The following CAMK2D variants were observed in gnomAD, a reference collection of about 807,000 sequenced individuals.
CAMK2D encodes calcium/calmodulin dependent protein kinase II delta.
Under a neutral mutation model 84.0 loss-of-function variants are expected in CAMK2D, and 37 were observed. That is an observed-to-expected ratio of 0.44 (90% CI 0.34 to 0.58). The LOEUF is 0.58. Ranked by LOEUF, CAMK2D falls within the 20% of genes least tolerant of loss-of-function variation. CAMK2D has a pLI of 0.02. For synonymous variants in CAMK2D, 202 were observed against 212.5 expected (o/e 0.95, Z 0.43); for missense variants, 448 against 652.5 (o/e 0.69, Z 3.41).
intron 4 of CAMK2D, among the ~76,000 whole-genome samples, chr4:113,566,348 T>C (rs2098723799): frequency 1.3e-5 from 2 of 152,188 alleles, no homozygotes; most frequent in Non-Finnish European, 1.5e-5. Flanking sequence ...AAACATAAGT[T>C]TTCTCCTCTA....
chr4:113,671,945 G>A (rs1039496917), intron 2 of CAMK2D, among the ~76,000 whole-genome samples: 4 of 152,052 alleles, frequency 2.6e-5, no homozygotes, highest in African/African-American at 7.2e-5. Flanking sequence ...TCACTTTTGA[G>A]TTTAATTTTT....
chr4:113,651,656 T>C (rs1164165601), intron 3 of CAMK2D, among the ~76,000 whole-genome samples: 1 of 152,168 alleles, frequency 6.6e-6, no homozygotes, highest in African/African-American at 2.4e-5. Context: ...TTTTCTACAA[T>C]GTAAAGCAGA....
chr4:113,551,733 G>A (rs976583202), intron 5 of CAMK2D, among the ~76,000 whole-genome samples: 3 of 152,126 alleles, frequency 2.0e-5, no homozygotes, highest in African/African-American at 7.2e-5. Flanking sequence ...AGGGATTAGA[G>A]GATTTCAATC....
At chr4:113,744,854 A>T (rs1182761248) in intron 2 of CAMK2D, among the ~76,000 whole-genome samples, 1 of 152,168 alleles carries the variant, frequency 6.6e-6, no homozygotes, top group Non-Finnish European at 1.5e-5. Flanking sequence ...GACCACACCC[A>T]ATTTTCAAAG....
At position 113,520,892 on chromosome 4, in the gene CAMK2D, G is replaced by C. The variant is rs937722232; in HGVS notation, c.602-3235C>G. On this transcript the variant is annotated intron_variant, in intron 8 of 20. Transcript: ENST00000511664. ...AAAATAGAAAAATTTAGCCAGGTGT[G>C]GTGGAATGCACAGCTAGTCCCAGCC... Among the ~76,000 whole-genome samples, 8 of 152,036 alleles carry C rather than the reference G, an allele frequency of 5.3e-5. 1 individual carries two copies. Among genetic ancestry groups the C allele is most frequent in the Non-Finnish European group, 8.8e-5 (6 of 67,968 alleles).
intron 3 of CAMK2D, among the ~76,000 whole-genome samples, chr4:113,639,437 T>C (rs146653249): frequency 3.3e-4 from 50 of 151,550 alleles, no homozygotes; most frequent in Non-Finnish European, 6.3e-4. Flanking sequence ...AATAAGGATA[T>C]GTAAATAAGT....
chr4:113,552,149 C>T, intron 4 of CAMK2D, 53 bp from the exon 5 acceptor site: 1 of 993,438 alleles, frequency 1.0e-6, no homozygotes. Flanking sequence ...AAAAAATAAG[C>T]ATCAATAGAT....
rs117954373 is a variant in CAMK2D at position 113,527,259 on chromosome 4, C to G, written c.601+3957G>C. On this transcript the variant is annotated intron_variant, in intron 8 of 20. Coordinates refer to ENST00000511664, the MANE Select transcript of CAMK2D (RefSeq NM_001321571.2). ...TGATGATGATGATATTTTAGCAATA[C>G]AGTTTTTTTTTTTCTTTTTTCTTTT... is the stretch of plus-strand genomic sequence containing the variant. Among the ~76,000 whole-genome samples, 468 of 145,568 alleles carry G rather than the reference C, an allele frequency of 3.2e-3. 9 individuals carry two copies. The East Asian group carries it at 0.069, about 22-fold the overall frequency.
intron 16 of CAMK2D, among the ~76,000 whole-genome samples, chr4:113,476,752 A>G (rs937996466): frequency 6.6e-6 from 1 of 152,154 alleles, no homozygotes; most frequent in Non-Finnish European, 1.5e-5. Flanking sequence ...ATTACCCCTA[A>G]TAGATAACAT....
chr4:113,520,524 T>A (rs1480421661), intron 8 of CAMK2D, among the ~76,000 whole-genome samples: 1 of 152,064 alleles, frequency 6.6e-6, no homozygotes, highest in African/African-American at 2.4e-5. Context: ...TTTACCTTTT[T>A]TCTATGTCAG....
At chr4:113,690,348 C>G (rs1177124195) in intron 2 of CAMK2D, among the ~76,000 whole-genome samples, 1 of 151,896 alleles carries the variant, frequency 6.6e-6, no homozygotes, top group African/African-American at 2.4e-5. Context: ...ATCTGAATTC[C>G]TATATTAGCC....
intron 2 of CAMK2D, among the ~76,000 whole-genome samples, chr4:113,662,715 C>A (rs967365031): frequency 6.6e-6 from 1 of 152,172 alleles, no homozygotes; most frequent in Non-Finnish European, 1.5e-5. Flanking sequence ...ATTTCTTTTG[C>A]ATTTATGATG....
chr4:113,660,920 C>A (rs7693952), intron 3 of CAMK2D, among the ~76,000 whole-genome samples: 10,411 of 151,806 alleles, frequency 0.069, 559 homozygotes, highest in East Asian at 0.22. Context: ...CTCAGCCTCC[C>A]GAGTAGCTGG....
chr4:113,622,541 T>C (rs552031843), intron 3 of CAMK2D, among the ~76,000 whole-genome samples: 4 of 152,268 alleles, frequency 2.6e-5, no homozygotes, highest in African/African-American at 7.2e-5. Context: ...AAGGCAGAAG[T>C]ATCGCTTGAG....
intron 4 of CAMK2D, 95 bp from the exon 5 acceptor site, chr4:113,552,191 A>C (rs953490367): frequency 7.7e-6 from 5 of 648,850 alleles, no homozygotes; most frequent in Admixed American, 5.6e-5. Context: ...TGTTTTTCTT[A>C]GATGATTTAA....
At chr4:113,529,487 C>A (rs2098443867) in intron 8 of CAMK2D, among the ~76,000 whole-genome samples, 1 of 152,172 alleles carries the variant, frequency 6.6e-6, no homozygotes, top group Admixed American at 6.5e-5. Context: ...TAAAGCCAAA[C>A]TATGATAGTT....
intron 4 of CAMK2D, among the ~76,000 whole-genome samples, chr4:113,552,356 A>C (rs1385287820): frequency 6.6e-6 from 1 of 152,204 alleles, no homozygotes; most frequent in African/African-American, 2.4e-5. Context: ...CTTTCGCAGA[A>C]AATGGTTTTC....
Position 113,697,535 on chromosome 4 carries a change from C to T in CAMK2D, c.161-35763G>A, listed in dbSNP as rs929870930. ...AATGCTATTCTAAAATACTTTCAAA[C>T]GCCTGGCCTACTATATATTTTCTTC... On this transcript the variant is annotated intron_variant, in intron 2 of 20. Transcript: ENST00000511664. 1.8e-4 allele frequency among the ~76,000 whole-genome samples: 28 copies of T among 152,198 alleles called. 1 individual carries two copies. The East Asian group carries it at 2.1e-3, about 12-fold the overall frequency.
intron 1 of CAMK2D, 122 bp downstream of exon 1, chr4:113,760,882 G>T: frequency 8.1e-7 from 1 of 1,231,596 alleles, no homozygotes; most frequent in Non-Finnish European, 1.2e-6. Context: ...ACAAACCAGG[G>T]GCCCTCCTCC....
Sources: gnomAD v4.1 joint callset for allele counts (sites outside exome capture counted in the v4.1 genomes callset) on GRCh38, gnomAD v4.1.1 for gene constraint, MANE v1.5 for transcripts, NCBI Gene and HGNC (gene_info 2026-07-23, HGNC 2026-07-21) for gene names.